PRKG1: variants seen among roughly 807,000 people sequenced by gnomAD.
PRKG1 encodes the protein cGMP-dependent protein kinase 1.
A neutral mutation model predicts 88.1 loss-of-function variants in PRKG1; 35 were observed. That is an observed-to-expected ratio of 0.40 (90% CI 0.30 to 0.53). The LOEUF is 0.53. Ranked by LOEUF, PRKG1 falls within the 20% of genes least tolerant of loss-of-function variation. The pLI is 0.59. For synonymous variants in PRKG1, 303 were observed against 292.5 expected (o/e 1.04, Z -0.37); for missense variants, 540 against 839.8 (o/e 0.64, Z 4.41).
chr10:51,172,401 ATTG>A (rs1428721020), intron 2 of PRKG1, among the ~76,000 whole-genome samples: 4 of 152,104 alleles, frequency 2.6e-5, no homozygotes, highest in African/African-American at 7.2e-5. Flanking sequence ...AATAAAACAA[ATTG>A]TTAAGACAAT....
intron 3 of PRKG1, among the ~76,000 whole-genome samples, chr10:51,691,805 A>G (rs1289568685): frequency 6.6e-6 from 1 of 152,216 alleles, no homozygotes; most frequent in African/African-American, 2.4e-5. Context: ...TTTCAAGAAA[A>G]TTGACTGGTC....
At chr10:51,832,757 A>G (rs1668700393) in intron 4 of PRKG1, among the ~76,000 whole-genome samples, 1 of 152,156 alleles carries the variant, frequency 6.6e-6, no homozygotes, top group African/African-American at 2.4e-5. Context: ...AGAAAGAAAT[A>G]GAAGATTGGG....
chr10:51,096,230 C>T (rs1390758969), intron 1 of PRKG1, among the ~76,000 whole-genome samples: 1 of 151,960 alleles, frequency 6.6e-6, no homozygotes, highest in Admixed American at 6.6e-5. Context: ...TGAAACCGAT[C>T]CAGGACTCTG....
At chr10:51,249,581 T>C (rs1203303405) in intron 2 of PRKG1, among the ~76,000 whole-genome samples, 1 of 151,876 alleles carries the variant, frequency 6.6e-6, no homozygotes, top group East Asian at 1.9e-4. Flanking sequence ...ACTCAGGTTT[T>C]GTAATTTTAT....
intron 1 of PRKG1, among the ~76,000 whole-genome samples, chr10:51,026,056 CAG>C (rs1479999425): frequency 5.9e-5 from 9 of 151,974 alleles, no homozygotes; most frequent in Admixed American, 2.0e-4. Context: ...AATATAAAAA[CAG>C]AGATTGGGGT....
chr10:51,232,557 C>T (rs200724882), intron 2 of PRKG1, among the ~76,000 whole-genome samples: 1 of 151,422 alleles, frequency 6.6e-6, no homozygotes, highest in Non-Finnish European at 1.5e-5. Context: ...TATTCTATAC[C>T]GTCATTCAAA....
chr10:51,692,696 A>C (rs1841175760), intron 3 of PRKG1, among the ~76,000 whole-genome samples: 1 of 152,062 alleles, frequency 6.6e-6, no homozygotes, highest in Non-Finnish European at 1.5e-5. Flanking sequence ...GGCTGGTCTT[A>C]AAGTCCTGAA....
intron 3 of PRKG1, among the ~76,000 whole-genome samples, chr10:51,789,956 G>A (rs952209612): frequency 6.6e-6 from 1 of 151,884 alleles, no homozygotes; most frequent in African/African-American, 2.4e-5. Context: ...CAAGTAGATG[G>A]GATTACAGGC....
At chr10:51,622,560 CG>C (rs1210534676) in intron 3 of PRKG1, among the ~76,000 whole-genome samples, 6 of 152,078 alleles carry the variant, frequency 3.9e-5, no homozygotes. Flanking sequence ...GGTATAGATA[CG>C]GTCATTAATT....
intron 2 of PRKG1, among the ~76,000 whole-genome samples, chr10:51,407,049 C>T (rs866056981): frequency 6.6e-6 from 1 of 152,134 alleles, no homozygotes; most frequent in Non-Finnish European, 1.5e-5. Flanking sequence ...GTTTTTCTGC[C>T]TGCTTTATAT....
chr10:51,892,417 G>A (rs1302948831), intron 4 of PRKG1, among the ~76,000 whole-genome samples: 3 of 152,120 alleles, frequency 2.0e-5, no homozygotes, highest in Non-Finnish European at 2.9e-5. Flanking sequence ...TAAGGATTAA[G>A]AGTCCTAGAC....
intron 3 of PRKG1, among the ~76,000 whole-genome samples, chr10:51,793,090 C>T (rs1476686683): frequency 7.5e-6 from 1 of 133,890 alleles, no homozygotes; most frequent in African/African-American, 3.0e-5. Context: ...GTAAGAACTG[C>T]CCAACAAATA....
chr10:51,030,971 G>T (rs141645452), intron 1 of PRKG1, among the ~76,000 whole-genome samples: 89 of 152,168 alleles, frequency 5.8e-4, no homozygotes, highest in African/African-American at 2.1e-3. Flanking sequence ...GTTTCAGAAG[G>T]TCCCATTTGA....
intron 5 of PRKG1, among the ~76,000 whole-genome samples, chr10:51,948,668 G>C (rs2133047911): frequency 6.6e-6 from 1 of 152,118 alleles, no homozygotes; most frequent in South Asian, 2.1e-4. Flanking sequence ...ACTTCTCTGA[G>C]TTGTCAAAGA....
chr10:52,170,514 G>A (rs913429473), intron 9 of PRKG1, among the ~76,000 whole-genome samples: 1 of 152,016 alleles, frequency 6.6e-6, no homozygotes, highest in Non-Finnish European at 1.5e-5. Context: ...GCTGGCTCTC[G>A]CTTATTGCCA....
At chr10:51,077,811 CTACCAAATAACTCCTTGA>C (rs1250710825) in intron 1 of PRKG1, among the ~76,000 whole-genome samples, 2 of 152,118 alleles carry the variant, frequency 1.3e-5, no homozygotes, top group African/African-American at 2.4e-5. Context: ...TATTCCACTG[CTACCAAATAACTCCTTGA>C]GAATGTAAAA....
chr10:51,942,846 G>T (rs1842940439), intron 5 of PRKG1, among the ~76,000 whole-genome samples: 1 of 150,230 alleles, frequency 6.7e-6, no homozygotes, highest in Non-Finnish European at 1.5e-5. Flanking sequence ...TGCTGTTTTG[G>T]TTACTGTAGC....
chr10:52,095,611 T>C (rs1847154638), intron 7 of PRKG1, among the ~76,000 whole-genome samples: 1 of 152,150 alleles, frequency 6.6e-6, no homozygotes, highest in African/African-American at 2.4e-5. Flanking sequence ...ATTTAATAAA[T>C]ATGCTTTAAC....
intron 2 of PRKG1, among the ~76,000 whole-genome samples, chr10:51,356,697 G>A (rs1272497947): frequency 6.6e-6 from 1 of 151,830 alleles, no homozygotes; most frequent in African/African-American, 2.4e-5. Flanking sequence ...GTCAACTCCT[G>A]TATCTTGAAC....
Sources: allele counts gnomAD v4.1 joint callset (sites outside exome capture counted in the v4.1 genomes callset), GRCh38; gene constraint gnomAD v4.1.1; transcripts MANE v1.5; gene names NCBI Gene and HGNC (gene_info 2026-07-23, HGNC 2026-07-21).